The following NAALADL2 variants were observed in gnomAD, a reference collection of about 807,000 sequenced individuals.
The protein encoded by NAALADL2 is N-acetylated alpha-linked acidic dipeptidase like 2.
In NAALADL2, 76 loss-of-function variants were observed where a neutral mutation model predicts 87.2. That is an observed-to-expected ratio of 0.87 (90% CI 0.72 to 1.05). NAALADL2 has a LOEUF of 1.05. Among genes scored for constraint, NAALADL2 ranks in the 50% least tolerant of loss-of-function variants. The pLI is 0.00. For missense variants in NAALADL2, 1,089 were observed against 945.8 expected (o/e 1.15, Z -1.99); for synonymous variants, 354 against 331.0 (o/e 1.07, Z -0.75).
Position 174,553,434 on chromosome 3 carries a change from T to C in NAALADL2, c.-115+2797T>C, listed in dbSNP as rs76563348. Among the ~76,000 whole-genome samples, 940 of 152,258 alleles carry C rather than the reference T, an allele frequency of 6.2e-3. 22 individuals carry two copies. Among genetic ancestry groups the C allele is most frequent in the East Asian group, 0.046 (237 of 5,180 alleles). ...ACTGCATTTTTGTTCTTAAAGGAAT[T>C]ATGGACTATAATGAGTTCTCAACAA... On this transcript the variant is annotated intron_variant, in intron 2 of 3. Coordinates refer to the NAALADL2 transcript ENST00000434257.
intron 12 of NAALADL2, among the ~76,000 whole-genome samples, chr3:175,739,373 G>A (rs952071623): frequency 1.2e-4 from 18 of 152,212 alleles, no homozygotes; most frequent in African/African-American, 4.3e-4. Context: ...TCAATTGTCT[G>A]ACATAAGAAA....
chr3:175,495,724 C>G (rs1001629511), intron 9 of NAALADL2, among the ~76,000 whole-genome samples: 4 of 151,930 alleles, frequency 2.6e-5, no homozygotes, highest in East Asian at 1.9e-4. Flanking sequence ...TCTATTGATG[C>G]CTCTTCTCTT....
intron 1 of NAALADL2, among the ~76,000 whole-genome samples, chr3:174,527,534 A>C (rs1333460260): frequency 6.6e-6 from 1 of 151,814 alleles, no homozygotes; most frequent in Non-Finnish European, 1.5e-5. Flanking sequence ...AAAAAAAAAA[A>C]GAAAGTCTTT....
chr3:174,569,370 T>G (rs1348632618), intron 2 of NAALADL2, among the ~76,000 whole-genome samples: 1 of 152,040 alleles, frequency 6.6e-6, no homozygotes, highest in African/African-American at 2.4e-5. Flanking sequence ...CAGTTAAAGA[T>G]TAATTTTCAT....
chr3:174,761,078 C>T (rs1712879869), intron 3 of NAALADL2, among the ~76,000 whole-genome samples: 1 of 152,152 alleles, frequency 6.6e-6, no homozygotes, highest in African/African-American at 2.4e-5. Flanking sequence ...TAGTAGTGCA[C>T]CCTGTAGTCT....
intron 2 of NAALADL2, among the ~76,000 whole-genome samples, chr3:174,647,992 G>C (rs573219323): frequency 6.6e-6 from 1 of 152,196 alleles, no homozygotes; most frequent in African/African-American, 2.4e-5. Context: ...CTATAGTCCT[G>C]TTACACAAAA....
intron 1 of NAALADL2, among the ~76,000 whole-genome samples, chr3:175,035,424 A>C (rs1216683540): frequency 6.6e-6 from 1 of 152,118 alleles, no homozygotes; most frequent in East Asian, 1.9e-4. Flanking sequence ...AGAGCAATAT[A>C]AGATAAGACC....
intron 5 of NAALADL2, among the ~76,000 whole-genome samples, chr3:175,441,472 G>A (rs762738188): frequency 6.6e-6 from 1 of 152,090 alleles, no homozygotes; most frequent in Admixed American, 6.6e-5. Flanking sequence ...AATGATTTAC[G>A]CCAGTGCTGA....
At chr3:174,589,243 G>A (rs903280810) in intron 2 of NAALADL2, among the ~76,000 whole-genome samples, 2 of 152,134 alleles carry the variant, frequency 1.3e-5, no homozygotes, top group African/African-American at 4.8e-5. Context: ...GTATTAGGGT[G>A]GGAGTGTCCC....
At chr3:175,338,837 C>A (rs1193176581) in intron 5 of NAALADL2, among the ~76,000 whole-genome samples, 1 of 152,062 alleles carries the variant, frequency 6.6e-6, no homozygotes, top group African/African-American at 2.4e-5. Flanking sequence ...GGGCACCTCT[C>A]AAGTCAAGTG....
intron 11 of NAALADL2, among the ~76,000 whole-genome samples, chr3:175,711,698 G>A (rs9836701): frequency 0.26 from 38,755 of 151,684 alleles, 6,289 homozygotes; most frequent in African/African-American, 0.47. Flanking sequence ...AAACTGTGTA[G>A]TATTTGAATG....
intron 1 of NAALADL2, among the ~76,000 whole-genome samples, chr3:174,972,894 G>A (rs1056229698): frequency 2.0e-5 from 3 of 151,850 alleles, no homozygotes; most frequent in Non-Finnish European, 2.9e-5. Flanking sequence ...TAGTCGGGAG[G>A]CTGAGGGAGG....
intron 1 of NAALADL2, among the ~76,000 whole-genome samples, chr3:175,094,420 C>G (rs1029376723): frequency 9.2e-5 from 14 of 152,006 alleles, no homozygotes; most frequent in African/African-American, 3.1e-4. Context: ...TTTTTCTATC[C>G]TCTAGTATTT....
intron 3 of NAALADL2, among the ~76,000 whole-genome samples, chr3:174,745,725 T>C (rs931037590): frequency 3.9e-5 from 6 of 152,106 alleles, no homozygotes; most frequent in Non-Finnish European, 8.8e-5. Flanking sequence ...CAGCAGTGCA[T>C]CAAAAAGCTT....
intron 10 of NAALADL2, among the ~76,000 whole-genome samples, chr3:175,595,899 T>G (rs1037442519): frequency 6.6e-6 from 1 of 151,936 alleles, no homozygotes; most frequent in African/African-American, 2.4e-5. Context: ...ATGCTAAAAT[T>G]TATATGGAAC....
chr3:174,938,560 C>G (rs1439499043), intron 1 of NAALADL2, among the ~76,000 whole-genome samples: 2 of 152,026 alleles, frequency 1.3e-5, no homozygotes, highest in African/African-American at 4.8e-5. Context: ...ATTGCTGGGT[C>G]GAATGGTAGT....
chr3:174,487,269 C>T (rs1042190907), intron 1 of NAALADL2, among the ~76,000 whole-genome samples: 2 of 152,008 alleles, frequency 1.3e-5, no homozygotes, highest in African/African-American at 4.8e-5. Flanking sequence ...TTTGTCTAAG[C>T]TAGATGGATC....
At chr3:174,884,137 G>C (rs1261001103) in intron 1 of NAALADL2, among the ~76,000 whole-genome samples, 1 of 152,110 alleles carries the variant, frequency 6.6e-6, no homozygotes, top group African/African-American at 2.4e-5. Flanking sequence ...AAGACCTCTA[G>C]GACAGCAGAA....
At chr3:175,142,751 A>G (rs1220921772) in intron 2 of NAALADL2, among the ~76,000 whole-genome samples, 1 of 151,996 alleles carries the variant, frequency 6.6e-6, no homozygotes, top group African/African-American at 2.4e-5. Flanking sequence ...TTCATTCTAT[A>G]AGGATGATAA....
Sources: allele counts gnomAD v4.1 joint callset (sites outside exome capture counted in the v4.1 genomes callset), GRCh38; gene constraint gnomAD v4.1.1; transcripts MANE v1.5; gene names NCBI Gene and HGNC (gene_info 2026-07-23, HGNC 2026-07-21).